Variants in XK observed in about 807,000 individuals in gnomAD.
The protein encoded by XK is endoplasmic reticulum membrane adapter protein XK.
Under a neutral mutation model 14.0 loss-of-function variants are expected in XK, and 2 were observed. The observed-to-expected ratio is 0.14, with a 90% CI of 0.06 to 0.45. The LOEUF (loss-of-function observed/expected upper bound fraction) is 0.45. Among genes scored for constraint, XK ranks in the 20% least tolerant of loss-of-function variants. The pLI, the probability that XK is intolerant of heterozygous loss-of-function variation, is 0.98. For synonymous variants in XK, 149 were observed against 147.5 expected (o/e 1.01, Z -0.08); for missense variants, 235 against 341.5 (o/e 0.69, Z 2.46).
chrX:37,711,096 A>C (rs886280704), intron 2 of XK, among the ~76,000 whole-genome samples: 1 of 112,122 alleles, frequency 8.9e-6, no homozygotes, highest in African/African-American at 3.2e-5. Context: ...GTTTAAATCC[A>C]TGGATGTGTT....
At chrX:37,696,255 G>GT (rs1413415860) in intron 2 of XK, among the ~76,000 whole-genome samples, 1 of 112,544 alleles carries the variant, frequency 8.9e-6, no homozygotes, top group African/African-American at 3.2e-5. Context: ...TAAACATAAT[G>GT]TGGCCCACAA....
At chrX:37,695,894 C>T (rs1297127504) in intron 2 of XK, among the ~76,000 whole-genome samples, 1 of 112,270 alleles carries the variant, frequency 8.9e-6, no homozygotes, top group Admixed American at 9.4e-5. Context: ...ATAAATATAG[C>T]AACATCCGTG....
chrX:37,686,272 C>A (rs959381613), intron 1 of XK, 66 bp downstream of exon 1: 292 of 1,175,647 alleles, frequency 2.5e-4, no homozygotes, highest in Non-Finnish European at 2.6e-4. Flanking sequence ...ATCTCCCCAC[C>A]TGCTCGAGTG....
chrX:37,725,351 T>C (rs1186437568), intron 2 of XK, among the ~76,000 whole-genome samples: 11 of 112,059 alleles, frequency 9.8e-5, no homozygotes, highest in Non-Finnish European at 1.7e-4. Context: ...TTAGCTTGAC[T>C]ATAGTCATCA....
At chrX:37,724,322 A>G (rs782381251) in intron 2 of XK, among the ~76,000 whole-genome samples, 3 of 111,779 alleles carry the variant, frequency 2.7e-5, no homozygotes, top group Admixed American at 9.5e-5. Flanking sequence ...AAGACAGTGT[A>G]GTAGTGGCAA....
chrX:37,714,133 A>G (rs1416119373), intron 2 of XK, among the ~76,000 whole-genome samples: 2 of 111,152 alleles, frequency 1.8e-5, no homozygotes, highest in Non-Finnish European at 3.8e-5. Context: ...GGAGTTGGAG[A>G]ATGTTAGAGG....
chrX:37,721,850 A>G (rs781948395), intron 2 of XK, among the ~76,000 whole-genome samples: 153 of 111,872 alleles, frequency 1.4e-3, no homozygotes, highest in Non-Finnish European at 1.9e-3. Context: ...ATACAATGGA[A>G]TATTATTTGG....
In XK at chrX:37,728,084, G is replaced by A; in HGVS notation, c.957G>A (p.Val319=). Residue 319 remains valine, a synonymous_variant, in exon 3 of 3, where the codon GTG becomes GTA. Transcript: ENST00000378616. The part of the protein sequence containing the change: ...SKSHNWYQLL[V]YYMIRFIENA... ...CCCATAATTGGTACCAGCTACTGGT[G>A]TATTACATGATAAGATTCATCGAGA... 1 of 1,211,535 alleles carries A rather than the reference G, an allele frequency of 8.3e-7. No individual in the cohort carries two copies. Among genetic ancestry groups the A allele is most frequent in the African/African-American group, 1.7e-5 (1 of 57,755 alleles).
At chrX:37,700,979 G>T (rs1927403343) in intron 2 of XK, among the ~76,000 whole-genome samples, 2 of 111,308 alleles carry the variant, frequency 1.8e-5, no homozygotes, top group African/African-American at 6.5e-5. Context: ...TTTGTACCCT[G>T]CCTCATTCCA....
At chrX:37,705,378 G>T (rs1397098303) in intron 2 of XK, among the ~76,000 whole-genome samples, 2 of 110,250 alleles carry the variant, frequency 1.8e-5, no homozygotes, top group African/African-American at 6.6e-5. Flanking sequence ...CGTGAACCCG[G>T]GAGGTGGAGC....
rs1556440162 is a variant in XK at position 37,686,184 on chromosome X, C to T, written c.223C>T (p.Leu75=). ...CCCGCTCGTACTGCTGCTGCACCTG[C>T]TGCAACTTGGGCCCCTTTTCAGGTG... ...DRPLVLLLHL[L]QLGPLFRCFE... Residue 75 remains leucine (L), a synonymous_variant, in exon 1 of 3, where the codon CTG becomes TTG. Transcript: ENST00000378616. 1 of 1,208,910 alleles carries T rather than the reference C, an allele frequency of 8.3e-7. No individual in the cohort carries two copies. Among genetic ancestry groups the T allele is most frequent in the South Asian group, 1.8e-5 (1 of 56,424 alleles).
intron 1 of XK, among the ~76,000 whole-genome samples, chrX:37,686,970 G>A (rs963567038): frequency 5.4e-5 from 6 of 111,671 alleles, no homozygotes; most frequent in Admixed American, 9.5e-5. Flanking sequence ...GCTTATCTAA[G>A]GAGTTTAAAA....
At chrX:37,716,691 A>T (rs1602155161) in intron 2 of XK, among the ~76,000 whole-genome samples, 1 of 111,677 alleles carries the variant, frequency 9.0e-6, no homozygotes, top group East Asian at 2.8e-4. Flanking sequence ...TCTTGCTACC[A>T]TTTTGCTGTT....
intron 2 of XK, among the ~76,000 whole-genome samples, chrX:37,709,503 G>A (rs1927617593): frequency 8.9e-6 from 1 of 111,937 alleles, no homozygotes; most frequent in Non-Finnish European, 1.9e-5. Flanking sequence ...AAAAATATAT[G>A]CTTGTATTAA....
intron 2 of XK, among the ~76,000 whole-genome samples, chrX:37,724,617 G>T (rs1340449944): frequency 2.7e-5 from 3 of 111,081 alleles, no homozygotes; most frequent in South Asian, 3.7e-4. Context: ...AACACCAAAG[G>T]CATGATCCAT....
At chrX:37,694,595 A>G (rs886933866) in intron 2 of XK, 47 bp downstream of exon 2, 12 of 1,169,691 alleles carry the variant, frequency 1.0e-5, no homozygotes, top group Non-Finnish European at 1.4e-5. Flanking sequence ...TCAAAATGAG[A>G]AGCAAAATAT....
rs1464018322 is a variant in XK, at chrX:37,730,999, C to T, written c.*2537C>T. ...GGGCACATGTATGTCCATTCACTTT[C>T]AGGAAGGGGTGTCAGTACTTTCTTT... is the stretch of plus-strand genomic sequence containing the variant. On this transcript the variant is annotated 3_prime_UTR_variant, in exon 3 of 3. Transcript: ENST00000378616. 1.8e-5 allele frequency: 2 copies of T among 111,622 alleles called. No individual in the cohort carries two copies. Among genetic ancestry groups the T allele is most frequent in the Non-Finnish European group, 3.8e-5 (2 of 53,092 alleles). 9.2% of individuals were successfully genotyped at this position (111,622 alleles called of 1,213,427 possible).
intron 2 of XK, among the ~76,000 whole-genome samples, chrX:37,726,686 T>C (rs191853325): frequency 8.9e-6 from 1 of 112,368 alleles, no homozygotes; most frequent in East Asian, 2.8e-4. Flanking sequence ...CCCAAACTTC[T>C]GCTTCTATTA....
At chrX:37,707,806 C>T (rs1416844109) in intron 2 of XK, among the ~76,000 whole-genome samples, 1 of 112,495 alleles carries the variant, frequency 8.9e-6, no homozygotes, top group Non-Finnish European at 1.9e-5. Flanking sequence ...GATGGGGTGG[C>T]AGCCGGGCAG....
Sources: gnomAD v4.1 joint callset for allele counts (sites outside exome capture counted in the v4.1 genomes callset) on GRCh38, gnomAD v4.1.1 for gene constraint, MANE v1.5 for transcripts, NCBI Gene and HGNC (gene_info 2026-07-23, HGNC 2026-07-21) for gene names.